Variants in TSC22D1 observed in about 807,000 individuals in gnomAD.
The protein encoded by TSC22D1 is TSC22 domain family protein 1.
TSC22D1 carries 9 observed loss-of-function variants against 74.2 expected under a neutral mutation model. The ratio of observed to expected loss-of-function variants is 0.12; its 90% CI spans 0.07 to 0.21. The LOEUF (loss-of-function observed/expected upper bound fraction) is 0.21, where lower values mean the gene tolerates loss of function less well. Among genes scored for constraint, TSC22D1 ranks in the 10% least tolerant of loss-of-function variants. The pLI, the probability that TSC22D1 is intolerant of heterozygous loss-of-function variation, is 1.00. For missense variants in TSC22D1, 1,427 were observed against 1,304.7 expected, an observed-to-expected ratio of 1.09 and a Z score of -1.44; for synonymous variants, 586 against 492.5, an observed-to-expected ratio of 1.19 and a Z score of -2.51.
At chr13:44,520,348 G>A (rs981189765) in intron 1 of TSC22D1, among the ~76,000 whole-genome samples, 6 of 152,092 alleles carry the variant, frequency 3.9e-5, no homozygotes, top group African/African-American at 1.4e-4. Context: ...GCTGCTGAGG[G>A]TACACATATG....
intron 1 of TSC22D1, among the ~76,000 whole-genome samples, chr13:44,506,574 C>T (rs1213408545): frequency 6.6e-6 from 1 of 152,158 alleles, no homozygotes; most frequent in African/African-American, 2.4e-5. Context: ...CACCATGGCA[C>T]ATGTTTACCT....
Position 44,497,015 on chromosome 13 carries a change from C to G in TSC22D1, c.2913-60920G>C, listed in dbSNP as rs1000723559. On this transcript the variant is annotated intron_variant, in intron 1 of 2. Transcript: ENST00000458659. ...GCTATATATATATATAGCAGTTTCT[C>G]AAAAAATTAAACATGGAATTATGAG... 5.9e-5 allele frequency among the ~76,000 whole-genome samples: 9 copies of G among 152,062 alleles called. 1 individual carries two copies. Among genetic ancestry groups the G allele is most frequent in the African/African-American group, 2.2e-4 (9 of 41,486 alleles).
chr13:44,507,710 T>C (rs926870887), intron 1 of TSC22D1, among the ~76,000 whole-genome samples: 1 of 152,208 alleles, frequency 6.6e-6, no homozygotes, highest in Admixed American at 6.5e-5. Context: ...AGAAATGAAG[T>C]AGAAGATTCC....
At chr13:44,472,496 G>A (rs1029496692) in intron 1 of TSC22D1, among the ~76,000 whole-genome samples, 13 of 152,046 alleles carry the variant, frequency 8.6e-5, no homozygotes, top group Non-Finnish European at 1.3e-4. Flanking sequence ...ACAAACATAT[G>A]AGGACCTGCT....
intron 1 of TSC22D1, among the ~76,000 whole-genome samples, chr13:44,568,656 T>A (rs181755300): frequency 6.6e-6 from 1 of 152,276 alleles, no homozygotes; most frequent in Non-Finnish European, 1.5e-5. Flanking sequence ...AAATCTCTAA[T>A]CAGCTCTTTA....
intron 1 of TSC22D1, among the ~76,000 whole-genome samples, chr13:44,517,823 G>GTATATA (rs1366832172): frequency 5.5e-5 from 2 of 36,044 alleles, no homozygotes; most frequent in South Asian, 1.1e-3. Flanking sequence ...GTGTGTGTGT[G>GTATATA]TGTGTGTATA....
intron 1 of TSC22D1, among the ~76,000 whole-genome samples, chr13:44,472,740 G>A (rs1008882802): frequency 1.3e-5 from 2 of 152,192 alleles, no homozygotes; most frequent in Non-Finnish European, 2.9e-5. Context: ...AGCCTGGGAG[G>A]TTGAGACTGC....
At chr13:44,504,025 C>A (rs1758431732) in intron 1 of TSC22D1, among the ~76,000 whole-genome samples, 1 of 151,074 alleles carries the variant, frequency 6.6e-6, no homozygotes, top group Non-Finnish European at 1.5e-5. Context: ...TATTTTAAGT[C>A]ATGATTACTT....
chr13:44,515,445 CTT>C (rs879885981), intron 1 of TSC22D1, among the ~76,000 whole-genome samples: 5 of 142,252 alleles, frequency 3.5e-5, no homozygotes, highest in East Asian at 2.0e-4. Flanking sequence ...TGAAAAAAAT[CTT>C]TTTTTTTTTT....
At chr13:44,478,359 G>C (rs974479191) in intron 1 of TSC22D1, among the ~76,000 whole-genome samples, 4 of 152,082 alleles carry the variant, frequency 2.6e-5, no homozygotes, top group Non-Finnish European at 5.9e-5. Flanking sequence ...TAATCCTCAT[G>C]ATAACTCTAA....
At chr13:44,487,807 A>T (rs982202448) in intron 1 of TSC22D1, among the ~76,000 whole-genome samples, 1 of 152,220 alleles carries the variant, frequency 6.6e-6, no homozygotes, top group Non-Finnish European at 1.5e-5. Context: ...CTGTAATCCC[A>T]GCACTTTGGG....
chr13:44,517,309 T>C (rs1880037835), intron 1 of TSC22D1, among the ~76,000 whole-genome samples: 1 of 149,646 alleles, frequency 6.7e-6, no homozygotes, highest in African/African-American at 2.5e-5. Flanking sequence ...ATAGTAACCA[T>C]CGTTACCGTA....
chr13:44,514,041 C>T (rs1258555349), intron 1 of TSC22D1, among the ~76,000 whole-genome samples: 1 of 152,056 alleles, frequency 6.6e-6, no homozygotes, highest in Non-Finnish European at 1.5e-5. Context: ...AAAATGTTAC[C>T]TTTTCTATTA....
chr13:44,536,822 T>C, intron 1 of TSC22D1: 1 of 982,270 alleles, frequency 1.0e-6, no homozygotes, highest in Non-Finnish European at 1.2e-6. Context: ...AAGATGATGC[T>C]AATCAGGAAA....
chr13:44,436,466 C>T, intron 1 of TSC22D1: 1 of 1,605,120 alleles, frequency 6.2e-7, no homozygotes, highest in Non-Finnish European at 8.5e-7. Flanking sequence ...AAGTATCCCA[C>T]GAATAAATTT....
chr13:44,473,249 C>T (rs1327369630), intron 1 of TSC22D1, among the ~76,000 whole-genome samples: 6 of 152,202 alleles, frequency 3.9e-5, no homozygotes, highest in Admixed American at 2.6e-4. Flanking sequence ...AATCCCAGCA[C>T]GTTGGGAGGC....
At chr13:44,544,661 A>G (rs1177950532) in intron 1 of TSC22D1, among the ~76,000 whole-genome samples, 2 of 152,128 alleles carry the variant, frequency 1.3e-5, no homozygotes, top group East Asian at 1.9e-4. Flanking sequence ...CTGTAATGAA[A>G]ACAGAAAAAC....
intron 1 of TSC22D1, among the ~76,000 whole-genome samples, chr13:44,464,478 G>C (rs953944682): frequency 7.2e-5 from 11 of 152,130 alleles, no homozygotes; most frequent in African/African-American, 2.7e-4. Flanking sequence ...TAGGATTACA[G>C]ATAGTGACAT....
Position 44,434,075 on chromosome 13 carries a change from TGAGAA to T in TSC22D1, c.*546_*550del, listed in dbSNP as rs1321100959. 1 of 1,527,976 alleles carries T rather than the reference TGAGAA, an allele frequency of 6.5e-7. No homozygotes were observed. The highest frequency in any genetic ancestry group is 8.7e-7 in the Non-Finnish European group (1 of 1,145,132). 94.7% of individuals were successfully genotyped at this position (1,527,976 alleles called of 1,614,324 possible). A position where few individuals can be genotyped will look rare whatever the true frequency, so the allele number is the denominator to read the frequency against. On this transcript the variant is annotated 3_prime_UTR_variant, in exon 3 of 3. Transcript: ENST00000458659. ...TCATAGTTTTGTGTCATCCATTGTTTGAGAAGAAAGAGGCACAGTACTATTGTTTT... is the reference window on the plus strand; with the variant it reads ...TCATAGTTTTGTGTCATCCATTGTTTGAAAGAGGCACAGTACTATTGTTTT...
Sources: allele counts gnomAD v4.1 joint callset (sites outside exome capture counted in the v4.1 genomes callset), GRCh38; gene constraint gnomAD v4.1.1; transcripts MANE v1.5; gene names NCBI Gene and HGNC (gene_info 2026-07-23, HGNC 2026-07-21).